KCNAB1: variants seen among roughly 807,000 people sequenced by gnomAD.
The protein encoded by KCNAB1 is potassium voltage-gated channel subfamily A regulatory beta subunit 1.
In KCNAB1, 35 loss-of-function variants were observed where a neutral mutation model predicts 64.6. The ratio of observed to expected loss-of-function variants is 0.54; its 90% confidence interval spans 0.41 to 0.72. KCNAB1 has a LOEUF of 0.72. Among genes scored for constraint, KCNAB1 ranks in the 30% least tolerant of loss-of-function variants. The pLI is 0.00. For missense variants in KCNAB1, 401 were observed against 512.9 expected, an observed-to-expected ratio of 0.78 and a Z score of 2.11; for synonymous variants, 177 against 183.8, an observed-to-expected ratio of 0.96 and a Z score of 0.30.
At chr3:156,127,001 A>G (rs1030912022) in intron 1 of KCNAB1, among the ~76,000 whole-genome samples, 13 of 152,172 alleles carry the variant, frequency 8.5e-5, no homozygotes, top group East Asian at 1.9e-4. Context: ...TCTGGAGTGT[A>G]CTCACACTGA....
chr3:156,332,479 A>ATGCCT (rs1576736276), intron 1 of KCNAB1, among the ~76,000 whole-genome samples: 2 of 152,308 alleles, frequency 1.3e-5, no homozygotes, highest in East Asian at 3.9e-4. Context: ...GTTGTAGAAT[A>ATGCCT]GTGCTCCCTG....
intron 1 of KCNAB1, among the ~76,000 whole-genome samples, chr3:156,402,270 T>C (rs1467133607): frequency 6.6e-6 from 1 of 152,132 alleles, no homozygotes; most frequent in African/African-American, 2.4e-5. Context: ...GAATCTAGTA[T>C]CTCTAAATAT....
chr3:156,201,260 G>C (rs560224963), intron 1 of KCNAB1, among the ~76,000 whole-genome samples: 1 of 152,036 alleles, frequency 6.6e-6, no homozygotes, highest in Non-Finnish European at 1.5e-5. Flanking sequence ...GTTCCTATTC[G>C]GCCATCTTGC....
At chr3:156,425,025 A>G (rs1306525004) in intron 2 of KCNAB1, among the ~76,000 whole-genome samples, 1 of 152,238 alleles carries the variant, frequency 6.6e-6, no homozygotes, top group Non-Finnish European at 1.5e-5. Flanking sequence ...TCTATAAGCC[A>G]GAGGAGACAA....
intron 1 of KCNAB1, among the ~76,000 whole-genome samples, chr3:156,300,800 G>T (rs1721105026): frequency 6.6e-6 from 1 of 152,120 alleles, no homozygotes; most frequent in African/African-American, 2.4e-5. Flanking sequence ...TTGGGTTAAA[G>T]AAATATGAAA....
chr3:156,535,069 A>G (rs934897786), intron 13 of KCNAB1, among the ~76,000 whole-genome samples: 26 of 152,120 alleles, frequency 1.7e-4, no homozygotes, highest in African/African-American at 6.3e-4. Context: ...CATTGTTACA[A>G]TCTCATTTTA....
At chr3:156,523,155 T>A (rs1454620846) in intron 11 of KCNAB1, among the ~76,000 whole-genome samples, 3 of 151,430 alleles carry the variant, frequency 2.0e-5, no homozygotes, top group Non-Finnish European at 4.4e-5. Context: ...CTGTTTTGAG[T>A]TTCTTTACTT....
intron 1 of KCNAB1, among the ~76,000 whole-genome samples, chr3:156,300,991 G>T (rs1721119615): frequency 6.6e-6 from 1 of 152,134 alleles, no homozygotes; most frequent in Non-Finnish European, 1.5e-5. Context: ...AAAATTTTCT[G>T]TATGGGTAAT....
At chr3:156,453,339 G>GT (rs1468383011) in intron 3 of KCNAB1, 1 of 154,848 alleles carries the variant, frequency 6.5e-6, no homozygotes, top group Non-Finnish European at 1.4e-5. Flanking sequence ...CCACATTGCA[G>GT]AAACCCTCTC....
In KCNAB1 at chr3:156,508,668, C is replaced by G. The variant is rs1401078361; in HGVS notation, c.659-5696C>G. On this transcript the variant is annotated intron_variant, in intron 8 of 13. Transcript: ENST00000490337. This position sits in a 1 kb window ranked among gnomAD's most constrained non-coding sequence, Gnocchi z 4.1. ...TTCAAATTCACAAGTTATTCTACAC[C>G]CATTATCCCACGTCAAGCTTTGAAA... Among the ~76,000 whole-genome samples the G allele has an allele frequency of 6.6e-6, 1 of 152,140 alleles. No homozygotes were observed. Among genetic ancestry groups the G allele is most frequent in the Non-Finnish European group, 1.5e-5 (1 of 68,034 alleles).
intron 1 of KCNAB1, among the ~76,000 whole-genome samples, chr3:156,170,243 G>C (rs1014440141): frequency 7.3e-6 from 1 of 137,698 alleles, no homozygotes; most frequent in Admixed American, 7.5e-5. Flanking sequence ...TTTTTCCTAA[G>C]TGCAACATTT....
At chr3:156,496,998 A>C (rs1200887612) in intron 8 of KCNAB1, among the ~76,000 whole-genome samples, 4 of 152,172 alleles carry the variant, frequency 2.6e-5, no homozygotes, top group Admixed American at 6.5e-5. Context: ...CTCACATTTT[A>C]ACATATAGAG....
intron 13 of KCNAB1, among the ~76,000 whole-genome samples, chr3:156,533,376 A>G (rs935740939): frequency 6.6e-6 from 1 of 152,162 alleles, no homozygotes; most frequent in Non-Finnish European, 1.5e-5. Context: ...GACAGGGAAG[A>G]GCAGTGGAAA....
chr3:156,159,869 T>TACCA (rs1715972740), intron 1 of KCNAB1, among the ~76,000 whole-genome samples: 2 of 152,230 alleles, frequency 1.3e-5, no homozygotes, highest in African/African-American at 4.8e-5. Flanking sequence ...GCACCAGCTG[T>TACCA]GCCCTGGGCA....
At chr3:156,186,082 G>A (rs1307114688) in intron 1 of KCNAB1, among the ~76,000 whole-genome samples, 1 of 152,156 alleles carries the variant, frequency 6.6e-6, no homozygotes, top group East Asian at 1.9e-4. Context: ...ATCTCACTTT[G>A]CCAATCAATT....
intron 7 of KCNAB1, among the ~76,000 whole-genome samples, chr3:156,470,598 G>A (rs1290116581): frequency 3.3e-5 from 5 of 152,152 alleles, no homozygotes; most frequent in East Asian, 1.9e-4. Flanking sequence ...TAAGTAAATC[G>A]CTTGTATATT....
chr3:156,120,293 T>C (rs942561480), upstream of KCNAB1, among the ~76,000 whole-genome samples: 16 of 152,216 alleles, frequency 1.1e-4, no homozygotes, highest in African/African-American at 3.9e-4. Context: ...GTTGTCACTA[T>C]TAAATAAAGC....
intron 3 of KCNAB1, chr3:156,457,154 A>G (rs2108287157): frequency 9.1e-7 from 1 of 1,099,300 alleles, no homozygotes; most frequent in Non-Finnish European, 1.1e-6. Context: ...AAGATGCCAT[A>G]AAGAATGTTG....
intron 1 of KCNAB1, among the ~76,000 whole-genome samples, chr3:156,292,949 A>G (rs373122758): frequency 6.6e-6 from 1 of 152,260 alleles, no homozygotes; most frequent in East Asian, 1.9e-4. Flanking sequence ...TTGAATAGCC[A>G]TATTTAAGCC....
Sources: gnomAD v4.1 joint callset for allele counts (sites outside exome capture counted in the v4.1 genomes callset) on GRCh38, gnomAD v4.1.1 for gene constraint, Gnocchi (gnomAD v3.1) non-coding constraint, MANE v1.5 for transcripts, NCBI Gene and HGNC (gene_info 2026-07-23, HGNC 2026-07-21) for gene names.